The following ICE2 variants were observed in gnomAD, a reference collection of about 807,000 sequenced individuals.
The protein encoded by ICE2 is little elongation complex subunit 2.
ICE2 carries 87 observed loss-of-function variants against 105.4 expected under a neutral mutation model. The ratio of observed to expected loss-of-function variants is 0.83; its 90% CI spans 0.69 to 0.99. ICE2 has a LOEUF of 0.99. Ranked by LOEUF, ICE2 falls within the 50% of genes least tolerant of loss-of-function variation. The pLI is 0.00. For missense variants in ICE2, 1,323 were observed against 1,146.7 expected, an observed-to-expected ratio of 1.15 and a Z score of -2.22; for synonymous variants, 399 against 392.0, an observed-to-expected ratio of 1.02 and a Z score of -0.21.
rs1398917422 is a variant in ICE2 at position 60,453,670 on chromosome 15, T to C, written c.1058A>G (p.Lys353Arg). 6.2e-7 allele frequency: 1 copy of C among 1,613,600 alleles called. No homozygotes were observed. Among genetic ancestry groups the C allele is most frequent in the African/African-American group, 1.3e-5 (1 of 74,926 alleles). The stretch of plus-strand genomic sequence containing the variant: ...TGCAGAGACTGGAACAGATGTGTTT[T>C]TGGACATCATAAATTTTAATGGAAC... ...HEVPLKFMMS[K>R]NTSVPVSAVF... The change falls in exon 9 of 16, where the codon AAA becomes AGA. Residue 353 changes from lysine to arginine, a missense_variant. Transcript: ENST00000261520.
intron 9 of ICE2, chr15:60,451,841 T>C (rs894446368): frequency 1.1e-5 from 2 of 183,314 alleles, no homozygotes; most frequent in Non-Finnish European, 2.1e-5. Flanking sequence ...TCTTCAGAAC[T>C]GGCACATATA....
At position 60,456,738 on chromosome 15, in the gene ICE2, G is replaced by T; in HGVS notation, c.585C>A (p.Leu195=). The part of the protein sequence containing the change: ...QVKKYSEFYT[L]HEVTSLMGFF... ...ATCCCATTAAGCTGGTGACCTCGTG[G>T]AGAGTATAGAATTCTGAATACTTTT... Residue 195 remains leucine (L), a synonymous_variant, in exon 6 of 16, where the codon CTC becomes CTA. Coordinates refer to ENST00000261520, the MANE Select transcript of ICE2 (RefSeq NM_024611.6). 1 of 1,580,168 alleles carries T rather than the reference G, an allele frequency of 6.3e-7. No homozygotes were observed. The highest frequency in any genetic ancestry group is 8.6e-7 in the Non-Finnish European group (1 of 1,163,098).
chr15:60,451,072 AAAG>A lies in ICE2; in HGVS notation c.1126-1234_1126-1232del, dbSNP rs2063954136. ...AAAAGGGAGAAATGCTAGTTTGAAAAAAGAAAATCCATGATAAACAGATAGTGG... is the reference window on the plus strand; with the variant it reads ...AAAAGGGAGAAATGCTAGTTTGAAAAAAAATCCATGATAAACAGATAGTGG... On this transcript the variant is annotated intron_variant, in intron 9 of 15. Coordinates refer to ENST00000261520, the MANE Select transcript of ICE2 (RefSeq NM_024611.6). The A allele has an allele frequency of 5.9e-6, 4 of 674,922 alleles. No homozygotes were observed. In the South Asian group the frequency reaches 2.0e-4, roughly 34 times the overall value. The allele number at this position is 674,922 out of a possible 1,614,324, so 41.8% of individuals were successfully genotyped here. A position where few individuals can be genotyped will look rare whatever the true frequency, so the allele number is the denominator to read the frequency against.
At chr15:60,427,778 G>C (rs1043123549) in intron 15 of ICE2, among the ~76,000 whole-genome samples, 1 of 152,218 alleles carries the variant, frequency 6.6e-6, no homozygotes, top group Non-Finnish European at 1.5e-5. Context: ...TATACAGAAT[G>C]AGTGACATAG....
At chr15:60,464,903 T>C (rs2064379626) in intron 5 of ICE2, among the ~76,000 whole-genome samples, 1 of 152,160 alleles carries the variant, frequency 6.6e-6, no homozygotes, top group African/African-American at 2.4e-5. Context: ...TTCAGGAGGC[T>C]GAGCTGGGGA....
chr15:60,444,302 CTCTA>C (rs1439558452), intron 11 of ICE2, among the ~76,000 whole-genome samples: 2 of 152,232 alleles, frequency 1.3e-5, no homozygotes, highest in East Asian at 1.9e-4. Context: ...GATAAAACTA[CTCTA>C]TCTATAAAAC....
chr15:60,441,557 G>C (rs2063720995), intron 12 of ICE2: 1 of 152,128 alleles, frequency 6.6e-6, no homozygotes, highest in Non-Finnish European at 1.5e-5. Context: ...GGTGTTAAGA[G>C]AGAATAAAGT....
At chr15:60,468,932 T>C (rs1352776528) in intron 3 of ICE2, among the ~76,000 whole-genome samples, 1 of 152,244 alleles carries the variant, frequency 6.6e-6, no homozygotes, top group Non-Finnish European at 1.5e-5. Flanking sequence ...AATGACTTTA[T>C]GCTTTTCATG....
rs2063240571 is a variant in ICE2, at chr15:60,421,306, C to T, written c.*2328G>A. ...TCATAGCTCACTGCAGCCTCAAACTCCTAGACTCAAGCGATCCTCCCACCT... is the reference window on the plus strand; with the variant it reads ...TCATAGCTCACTGCAGCCTCAAACTTCTAGACTCAAGCGATCCTCCCACCT... On this transcript the variant is annotated 3_prime_UTR_variant, in exon 16 of 16. Coordinates refer to ENST00000261520, the MANE Select transcript of ICE2 (RefSeq NM_024611.6). The T allele has an allele frequency of 6.6e-6, 1 of 152,154 alleles. No homozygotes were observed. Among genetic ancestry groups the T allele is most frequent in the Non-Finnish European group, 1.5e-5 (1 of 68,056 alleles). The allele number at this position is 152,154 out of a possible 1,614,324, so 9.4% of individuals were successfully genotyped here.
chr15:60,478,699 G>A (rs950891720), intron 1 of ICE2: 4 of 341,570 alleles, frequency 1.2e-5, no homozygotes, highest in Non-Finnish European at 2.3e-5. Context: ...ACACCGAACG[G>A]GCCCGACCGG....
intron 13 of ICE2, among the ~76,000 whole-genome samples, chr15:60,434,289 G>C (rs181937934): frequency 3.9e-4 from 60 of 152,154 alleles, no homozygotes; most frequent in African/African-American, 1.4e-3. Context: ...TTGGTAGAAG[G>C]GCAAACTGAG....
At position 60,422,000 on chromosome 15, in the gene ICE2, T is replaced by G. The variant is rs1227339739; in HGVS notation, c.*1634A>C. Reference sequence around the variant, plus strand: ...AGAAATTAGGCCAAAAGAATAGCTATTCTTTACACAGAATAGCTAAAAAAT... The same window carrying G: ...AGAAATTAGGCCAAAAGAATAGCTAGTCTTTACACAGAATAGCTAAAAAAT... On this transcript the variant is annotated 3_prime_UTR_variant, in exon 16 of 16. Transcript: ENST00000261520. The G allele has an allele frequency of 1.2e-5, 1 of 83,436 alleles. No homozygotes were observed. The highest frequency in any genetic ancestry group is 3.0e-5 in the African/African-American group (1 of 33,648). The allele number at this position is 83,436 out of a possible 1,614,324, so 5.2% of individuals were successfully genotyped here.
intron 3 of ICE2, among the ~76,000 whole-genome samples, chr15:60,474,729 A>C (rs757483755): frequency 1.3e-5 from 2 of 152,190 alleles, no homozygotes; most frequent in Non-Finnish European, 2.9e-5. Flanking sequence ...GTCTTTAAAG[A>C]AGTCTAAGTA....
At chr15:60,448,750 TA>T in intron 10 of ICE2, 97 bp downstream of exon 10, 1 of 1,049,934 alleles carries the variant, frequency 9.5e-7, no homozygotes, top group Non-Finnish European at 1.4e-6. Flanking sequence ...ATATGACAAT[TA>T]CAAAACAGGT....
At position 60,455,322 on chromosome 15, in the gene ICE2, T is replaced by A; in HGVS notation, c.783+4A>T. 6.2e-7 allele frequency: 1 copy of A among 1,604,410 alleles called. No individual in the cohort carries two copies. The highest frequency in any genetic ancestry group is 8.5e-7 in the Non-Finnish European group (1 of 1,171,850). ...GGAAGATCCAATGTTGCCTTGGTAC[T>A]TACATAATGCATAGCTTCAGCTGTT... is the stretch of plus-strand genomic sequence containing the variant. On this transcript the variant is annotated splice_donor_region_variant and intron_variant, in intron 7 of 15. Coordinates refer to ENST00000261520, the MANE Select transcript of ICE2 (RefSeq NM_024611.6).
intron 6 of ICE2, among the ~76,000 whole-genome samples, chr15:60,456,236 T>TTCAATA (rs112030105): frequency 1.3e-5 from 2 of 151,320 alleles, no homozygotes; most frequent in African/African-American, 2.4e-5. Context: ...TGCTTAAAAT[T>TTCAATA]TAATGTCTAT....
At chr15:60,429,606 A>G (rs2063411296) in intron 14 of ICE2, among the ~76,000 whole-genome samples, 1 of 152,230 alleles carries the variant, frequency 6.6e-6, no homozygotes, top group African/African-American at 2.4e-5. Flanking sequence ...TAAGGAGAAC[A>G]TCGGTTCTTT....
rs774373159 is a variant in ICE2 at position 60,468,206 on chromosome 15, GGAA to G, written c.260_262del (p.Leu87del). 121 of 1,613,916 alleles carry G rather than the reference GGAA, an allele frequency of 7.5e-5. No homozygotes were observed. The highest frequency in any genetic ancestry group is 6.6e-5 in the Non-Finnish European group (78 of 1,179,964). ...ACGAGGATAAGGAACTCTTGGTTTTGGAAGAAGAACCATTCCAATTGTGGTTTT... is the reference window on the plus strand; with the variant it reads ...ACGAGGATAAGGAACTCTTGGTTTTGGAAGAACCATTCCAATTGTGGTTTT... On this transcript the variant is annotated inframe_deletion, in exon 4 of 16. Transcript: ENST00000261520.
intron 12 of ICE2, chr15:60,438,108 A>G (rs184534498): frequency 1.3e-5 from 2 of 152,336 alleles, no homozygotes; most frequent in Admixed American, 6.5e-5. Flanking sequence ...AAGGTCCTGA[A>G]ATATACCAAG....
Sources: allele counts gnomAD v4.1 joint callset (sites outside exome capture counted in the v4.1 genomes callset), GRCh38; gene constraint gnomAD v4.1.1; transcripts MANE v1.5; gene names NCBI Gene and HGNC (gene_info 2026-07-23, HGNC 2026-07-21).